Variants in BAZ1B observed in about 807,000 individuals in gnomAD.
BAZ1B encodes the protein tyrosine-protein kinase BAZ1B.
BAZ1B carries 22 observed loss-of-function variants against 153.8 expected under a neutral mutation model. That is an observed-to-expected ratio of 0.14 (90% CI 0.10 to 0.20). The LOEUF is 0.20. BAZ1B is among the 10% of genes least tolerant of loss of function. BAZ1B has a pLI of 1.00. For synonymous variants in BAZ1B, 676 were observed against 633.4 expected (o/e 1.07, Z -1.01); for missense variants, 1,325 against 1,799.3 (o/e 0.74, Z 4.77).
In BAZ1B at chr7:73,522,114, G is replaced by A; in HGVS notation, c.-181C>T. ...CGCGGCCGCGCGACAGTCATGGAGC[G>A]GAACGCCACGGCGCAGAGCTCCCGC... On this transcript the variant is annotated 5_prime_UTR_variant, in exon 1 of 20. Transcript: ENST00000339594. 2.4e-6 allele frequency: 1 copy of A among 414,706 alleles called. No individual in the cohort carries two copies. The allele number at this position is 414,706 out of a possible 1,614,324, so 25.7% of individuals were successfully genotyped here.
At chr7:73,456,824 T>C (rs1327998580) in intron 13 of BAZ1B, among the ~76,000 whole-genome samples, 1 of 151,376 alleles carries the variant, frequency 6.6e-6, no homozygotes, top group African/African-American at 2.4e-5. Context: ...TGCACGCCTA[T>C]AGTCTCAGCT....
intron 13 of BAZ1B, among the ~76,000 whole-genome samples, chr7:73,457,408 C>T (rs1274724318): frequency 3.3e-5 from 5 of 151,988 alleles, no homozygotes. Context: ...AAACTCCTGA[C>T]CTCAGGTGAT....
At chr7:73,475,677 G>C (rs1299737100) in intron 7 of BAZ1B, among the ~76,000 whole-genome samples, 1 of 152,130 alleles carries the variant, frequency 6.6e-6, no homozygotes, top group African/African-American at 2.4e-5. Context: ...GCTCACGCCT[G>C]TAATCCCAGC....
At chr7:73,456,748 T>TCAA (rs1563367609) in intron 13 of BAZ1B, among the ~76,000 whole-genome samples, 1 of 150,732 alleles carries the variant, frequency 6.6e-6, no homozygotes, top group Non-Finnish European at 1.5e-5. Flanking sequence ...TTGAGACCAG[T>TCAA]CTGGCCAACA....
chr7:73,497,705 AAAG>A (rs1383712759), intron 4 of BAZ1B, among the ~76,000 whole-genome samples: 1 of 116,228 alleles, frequency 8.6e-6, no homozygotes, highest in East Asian at 2.4e-4. Context: ...GCCATAAAAA[AAAG>A]AAAAAGAAAA....
rs1298633484 is a variant in BAZ1B, at chr7:73,514,647, T to TA, written c.108-3796dup. 5.3e-5 allele frequency among the ~76,000 whole-genome samples: 8 copies of TA among 151,224 alleles called. No homozygotes were observed. In the South Asian group the frequency reaches 6.3e-4, roughly 12 times the overall value. The stretch of plus-strand genomic sequence containing the variant: ...CAACATAGCAAAACCCCATCTCTAT[T>TA]AAAAAAAAATTAGTTGAATGTGGTG... On this transcript the variant is annotated intron_variant, in intron 1 of 19. Transcript: ENST00000339594.
intron 1 of BAZ1B, among the ~76,000 whole-genome samples, chr7:73,515,294 AC>A (rs1554579142): frequency 6.6e-6 from 1 of 152,052 alleles, no homozygotes; most frequent in Non-Finnish European, 1.5e-5. Context: ...TTACATCTCC[AC>A]CCACTGCCAT....
At chr7:73,445,589 G>C (rs1787803554) in intron 16 of BAZ1B, among the ~76,000 whole-genome samples, 1 of 152,144 alleles carries the variant, frequency 6.6e-6, no homozygotes, top group Non-Finnish European at 1.5e-5. Flanking sequence ...CCCTCAGAGA[G>C]ATCAGGCGCA....
Position 73,478,494 on chromosome 7 carries a change from T to C in BAZ1B, c.967A>G (p.Thr323Ala). 1 of 1,602,702 alleles carries C rather than the reference T, an allele frequency of 6.2e-7. No individual in the cohort carries two copies. The highest frequency in any genetic ancestry group is 8.5e-7 in the Non-Finnish European group (1 of 1,175,138). ...PDRKPSKKSK[T>A]DNSSLSSPLN... ...GGTGAACTAAGAGAAGAGTTGTCTG[T>C]CTTGGATTTCTTTGAGGGCTTCCTG... The change falls in exon 7 of 20, where the codon ACA (threonine) becomes GCA (alanine). Residue 323 changes from threonine to alanine, a missense_variant. Physicochemically the swap from Thr to Ala is moderately conservative, Grantham distance 58. Coordinates refer to ENST00000339594, the MANE Select transcript of BAZ1B (RefSeq NM_032408.4).
At chr7:73,484,582 G>A (rs1789332936) in intron 6 of BAZ1B, among the ~76,000 whole-genome samples, 1 of 151,916 alleles carries the variant, frequency 6.6e-6, no homozygotes, top group Non-Finnish European at 1.5e-5. Context: ...GGTCAAGACT[G>A]CAGTGAGCTA....
intron 13 of BAZ1B, among the ~76,000 whole-genome samples, chr7:73,451,579 TAGAAAC>T (rs1324776170): frequency 6.6e-6 from 1 of 152,128 alleles, no homozygotes; most frequent in African/African-American, 2.4e-5. Context: ...CTCTTTCCTA[TAGAAAC>T]AGAGAATCAC....
chr7:73,498,132 G>C (rs1397932817), intron 4 of BAZ1B, among the ~76,000 whole-genome samples: 1 of 151,970 alleles, frequency 6.6e-6, no homozygotes. Context: ...GCTAATTTTT[G>C]TATTTTTAGT....
rs1788717935 is a variant in BAZ1B at position 73,469,557 on chromosome 7, T to G, written c.2826A>C (p.Lys942Asn). ...CCTCATCACCAGAGACTGTGTGGTC[T>G]TTGCAGTGATGGTTGAATCGGTAGT... ...SIDYRFNHHCKDHTVSGDEDY... is the reference protein window; with the variant it reads ...SIDYRFNHHCNDHTVSGDEDY... The change falls in exon 9 of 20, where the codon AAA (lysine) becomes AAC (asparagine). Residue 942 changes from lysine to asparagine, a missense_variant. Lys to Asn is a moderately conservative substitution (Grantham distance 94, BLOSUM62 0). Transcript: ENST00000339594. 1 of 1,614,228 alleles carries G rather than the reference T, an allele frequency of 6.2e-7. No homozygotes were observed. The highest frequency in any genetic ancestry group is 8.5e-7 in the Non-Finnish European group (1 of 1,180,034).
Position 73,465,519 on chromosome 7 carries a change from T to C in BAZ1B, c.2991A>G (p.Gln997=). 6.2e-7 allele frequency: 1 copy of C among 1,609,460 alleles called. No individual in the cohort carries two copies. Among genetic ancestry groups the C allele is most frequent in the African/African-American group, 1.3e-5 (1 of 74,780 alleles). Residue 997 remains glutamine (Q), a synonymous_variant, in exon 11 of 20, where the codon CAA becomes CAG. Coordinates refer to ENST00000339594, the MANE Select transcript of BAZ1B (RefSeq NM_032408.4). The stretch of plus-strand genomic sequence containing the variant: ...AGTTTAGCAACTCATCCAGCTCCTT[T>C]TGACTATCACATAAAAACCTGTAGG... ...GQNLWFLCDS[Q]KELDELLNCL...
At chr7:73,504,845 G>C (rs902451681) in intron 3 of BAZ1B, among the ~76,000 whole-genome samples, 2 of 151,848 alleles carry the variant, frequency 1.3e-5, no homozygotes, top group Admixed American at 1.3e-4. Context: ...AACAAACAAA[G>C]AAACAAAAAC....
chr7:73,455,045 T>C (rs894342377), intron 13 of BAZ1B, among the ~76,000 whole-genome samples: 3 of 151,618 alleles, frequency 2.0e-5, no homozygotes, highest in African/African-American at 4.8e-5. Context: ...TGTGTGTGTG[T>C]GCATTTTTTC....
chr7:73,465,350 C>A, intron 11 of BAZ1B, 89 bp downstream of exon 11: 1 of 859,994 alleles, frequency 1.2e-6, no homozygotes, highest in South Asian at 2.2e-5. Context: ...ACTTTAGTAA[C>A]TTAAATGGAT....
rs782154459 is a variant in BAZ1B at position 73,477,346 on chromosome 7, G to A, written c.2115C>T (p.Ser705=). The stretch of plus-strand genomic sequence containing the variant: ...TATTGTCATCTGTGTCTGAGCCCTC[G>A]CTTTCCTCCTGAACATCAGATCTGC... The part of the protein sequence containing the change: ...CLRRSDVQEE[S]EGSDTDDNKD... The change falls in exon 7 of 20, where the codon AGC becomes AGT. Residue 705 remains serine (S), a synonymous_variant. Transcript: ENST00000339594. This position sits in a 1 kb window ranked among gnomAD's most constrained non-coding sequence, Gnocchi z 5.6. The A allele has an allele frequency of 3.1e-5, 50 of 1,614,066 alleles. No homozygotes were observed. Among genetic ancestry groups the A allele is most frequent in the African/African-American group, 5.3e-5 (4 of 74,922 alleles).
intron 3 of BAZ1B, among the ~76,000 whole-genome samples, chr7:73,504,445 C>T (rs782546304): frequency 1.7e-4 from 26 of 151,948 alleles, no homozygotes; most frequent in African/African-American, 5.8e-4. Flanking sequence ...GGGTGGATCA[C>T]GAGGTCAGGA....
Sources: gnomAD v4.1 joint callset for allele counts (sites outside exome capture counted in the v4.1 genomes callset) on GRCh38, gnomAD v4.1.1 for gene constraint, Gnocchi (gnomAD v3.1) non-coding constraint, MANE v1.5 for transcripts, NCBI Gene and HGNC (gene_info 2026-07-23, HGNC 2026-07-21) for gene names.